Variants in MYO5C observed in about 807,000 individuals in gnomAD.
MYO5C encodes unconventional myosin-Vc.
MYO5C carries 194 observed loss-of-function variants against 235.7 expected under a neutral mutation model. That is an observed-to-expected ratio of 0.82 (90% CI 0.73 to 0.93). The LOEUF (loss-of-function observed/expected upper bound fraction) is 0.93, where lower values mean the gene tolerates loss of function less well. Ranked by LOEUF, MYO5C falls within the 40% of genes least tolerant of loss-of-function variation. The pLI is 0.00. For missense variants in MYO5C, 2,038 were observed against 2,127.2 expected, an observed-to-expected ratio of 0.96 and a Z score of 0.82; for synonymous variants, 707 against 754.8, an observed-to-expected ratio of 0.94 and a Z score of 1.04.
At chr15:52,237,703 A>AT (rs1422779224) in intron 21 of MYO5C, 57 bp from the exon 22 acceptor site, 1 of 1,539,364 alleles carries the variant, frequency 6.5e-7, no homozygotes, top group Non-Finnish European at 8.7e-7. Flanking sequence ...ATGCTGTTCC[A>AT]TTTAATTCTC....
At chr15:52,205,262 G>A in intron 37 of MYO5C, 115 bp from the exon 38 acceptor site, 1 of 1,181,934 alleles carries the variant, frequency 8.5e-7, no homozygotes, top group East Asian at 2.4e-5. Context: ...GTCAGTGGAT[G>A]TACTTATGAT....
chr15:52,193,503 G>C lies in MYO5C; in HGVS notation c.*399C>G, dbSNP rs571854949. The C allele has an allele frequency of 3.2e-5, 5 of 158,602 alleles. No individual in the cohort carries two copies. The highest frequency in any genetic ancestry group is 2.8e-5 in the Non-Finnish European group (2 of 72,646). 9.8% of individuals were successfully genotyped at this position (158,602 alleles called of 1,614,324 possible). On this transcript the variant is annotated 3_prime_UTR_variant, in exon 41 of 41. Coordinates refer to ENST00000261839, the MANE Select transcript of MYO5C (RefSeq NM_018728.4). ...GACTCAGCACTAGAATCCACTTGCA[G>C]CTTTGTAAATGTACTCAGGTTTCAC... is the stretch of plus-strand genomic sequence containing the variant.
Position 52,239,715 on chromosome 15 carries a change from TGCACTATGA to T in MYO5C, c.2703+9_2703+17del. 1 of 1,574,336 alleles carries T rather than the reference TGCACTATGA, an allele frequency of 6.4e-7. No homozygotes were observed. Among genetic ancestry groups the T allele is most frequent in the Admixed American group, 1.8e-5 (1 of 54,436 alleles). ...TGTAAGAAAAAGTAAATGTAAAAGA[TGCACTATGA>T]GCACCTACCTGATCTTCCAACTTTT... is the stretch of plus-strand genomic sequence containing the variant. On this transcript the variant is annotated intron_variant, in intron 21 of 40. Transcript: ENST00000261839.
At chr15:52,197,853 C>T (rs1484933283) in intron 38 of MYO5C, among the ~76,000 whole-genome samples, 2 of 151,132 alleles carry the variant, frequency 1.3e-5, no homozygotes, top group East Asian at 4.0e-4. Flanking sequence ...CCAGGCTGGT[C>T]TTGAACACCT....
intron 34 of MYO5C, among the ~76,000 whole-genome samples, chr15:52,212,841 C>T (rs1386342645): frequency 6.6e-6 from 1 of 152,218 alleles, no homozygotes; most frequent in Non-Finnish European, 1.5e-5. Context: ...TTCTCTTCTA[C>T]CCTGGTCCTA....
chr15:52,262,784 C>A (rs1289720008), intron 9 of MYO5C, among the ~76,000 whole-genome samples: 1 of 152,222 alleles, frequency 6.6e-6, no homozygotes, highest in Non-Finnish European at 1.5e-5. Context: ...ACAAAATGAT[C>A]AACTATTCCC....
chr15:52,225,365 G>A (rs1353448240), intron 26 of MYO5C, 74 bp downstream of exon 26: 29 of 1,288,210 alleles, frequency 2.3e-5, no homozygotes, highest in Admixed American at 3.4e-5. Flanking sequence ...CAAAGGACAC[G>A]TTTCCTTAGC....
intron 1 of MYO5C, among the ~76,000 whole-genome samples, chr15:52,289,912 C>T (rs923426224): frequency 6.6e-6 from 1 of 152,176 alleles, no homozygotes; most frequent in African/African-American, 2.4e-5. Context: ...CATGGCAGGC[C>T]TTCTTTGGCT....
At chr15:52,262,227 T>A (rs1024443460) in intron 9 of MYO5C, among the ~76,000 whole-genome samples, 4 of 152,234 alleles carry the variant, frequency 2.6e-5, no homozygotes, top group African/African-American at 9.6e-5. Flanking sequence ...AAGTTCCTGA[T>A]ACAAATGGGT....
intron 20 of MYO5C, among the ~76,000 whole-genome samples, chr15:52,241,409 G>A (rs1373014703): frequency 2.0e-5 from 3 of 151,902 alleles, no homozygotes; most frequent in Admixed American, 6.6e-5. Context: ...ACAGGTGCCC[G>A]TCACCACACC....
At chr15:52,265,712 G>T (rs1181045403) in intron 8 of MYO5C, among the ~76,000 whole-genome samples, 3 of 151,940 alleles carry the variant, frequency 2.0e-5, no homozygotes, top group African/African-American at 4.8e-5. Flanking sequence ...CTAATTTTTT[G>T]TAGAGATGGG....
In MYO5C at chr15:52,285,317, G is replaced by A. The variant is rs573859530; in HGVS notation, c.28-2425C>T. On this transcript the variant is annotated intron_variant, in intron 1 of 40. Coordinates refer to ENST00000261839, the MANE Select transcript of MYO5C (RefSeq NM_018728.4). ...CAGGAGGTGGAGGTTGCAGTGAGCC[G>A]AGATCGCACCACTGCACTCCAGCCT... Among the ~76,000 whole-genome samples the A allele has an allele frequency of 3.3e-5, 5 of 151,518 alleles. No individual in the cohort carries two copies. In the South Asian group the frequency reaches 8.4e-4, roughly 25 times the overall value.
At chr15:52,207,304 G>C (rs1198891231) in intron 36 of MYO5C, among the ~76,000 whole-genome samples, 6 of 152,218 alleles carry the variant, frequency 3.9e-5, no homozygotes, top group Non-Finnish European at 5.9e-5. Flanking sequence ...TCATAAAACA[G>C]TGCTGAATAA....
chr15:52,249,930 C>T (rs2036436628), intron 13 of MYO5C, among the ~76,000 whole-genome samples: 1 of 152,182 alleles, frequency 6.6e-6, no homozygotes, highest in African/African-American at 2.4e-5. Flanking sequence ...TTCTTCCCAC[C>T]AATCAATCCA....
intron 30 of MYO5C, among the ~76,000 whole-genome samples, chr15:52,220,741 C>T (rs1227184214): frequency 1.3e-5 from 2 of 151,168 alleles, no homozygotes; most frequent in Non-Finnish European, 2.9e-5. Context: ...GCAGGAGAAT[C>T]ACTTGAACCC....
chr15:52,237,421 G>A (rs1040605870), intron 22 of MYO5C, 61 bp downstream of exon 22: 52 of 1,548,402 alleles, frequency 3.4e-5, no homozygotes, highest in African/African-American at 2.5e-4. Context: ...AGCTGGCAGC[G>A]CTCATCTTTT....
chr15:52,211,136 G>A (rs1306536187), intron 35 of MYO5C, among the ~76,000 whole-genome samples: 2 of 152,154 alleles, frequency 1.3e-5, no homozygotes, highest in African/African-American at 2.4e-5. Context: ...TCATGATCAC[G>A]TGGAACAGAG....
chr15:52,289,630 CTT>C (rs1198860709), intron 1 of MYO5C, among the ~76,000 whole-genome samples: 1 of 151,966 alleles, frequency 6.6e-6, no homozygotes, highest in Non-Finnish European at 1.5e-5. Flanking sequence ...CCAATCCTCT[CTT>C]GACTGGTGCA....
In MYO5C at chr15:52,288,203, G is replaced by A. The variant is rs114221316; in HGVS notation, c.28-5311C>T. Among the ~76,000 whole-genome samples, 231 of 152,226 alleles carry A rather than the reference G, an allele frequency of 1.5e-3. 1 individual carries two copies. Among genetic ancestry groups the A allele is most frequent in the African/African-American group, 5.4e-3 (224 of 41,522 alleles). ...CCAAACAGCAGACAGAGTCTCAAAG[G>A]ACCAGGACTCCAGCAGAGCTAGGGC... On this transcript the variant is annotated intron_variant, in intron 1 of 40. Coordinates refer to ENST00000261839, the MANE Select transcript of MYO5C (RefSeq NM_018728.4).
Sources: allele counts gnomAD v4.1 joint callset (sites outside exome capture counted in the v4.1 genomes callset), GRCh38; gene constraint gnomAD v4.1.1; transcripts MANE v1.5; gene names NCBI Gene and HGNC (gene_info 2026-07-23, HGNC 2026-07-21).